PROCR: variants seen among roughly 807,000 people sequenced by gnomAD.
PROCR encodes endothelial protein C receptor.
Under a neutral mutation model 24.2 loss-of-function variants are expected in PROCR, and 22 were observed. The ratio of observed to expected loss-of-function variants is 0.91; its 90% CI spans 0.65 to 1.30. The LOEUF is 1.30. Among genes scored for constraint, PROCR ranks in the 50% most tolerant of loss-of-function variants. PROCR has a pLI of 0.00. For missense variants in PROCR, 288 were observed against 307.7 expected (o/e 0.94, Z 0.48); for synonymous variants, 137 against 139.2 (o/e 0.98, Z 0.11).
At chr20:35,191,147 C>T (rs369421532) in intron 1 of PROCR, among the ~76,000 whole-genome samples, 1 of 152,290 alleles carries the variant, frequency 6.6e-6, no homozygotes, top group African/African-American at 2.4e-5. Flanking sequence ...CTGTGAACCA[C>T]CGTGCCCAGC....
intron 1 of PROCR, among the ~76,000 whole-genome samples, chr20:35,193,790 T>C (rs901171623): frequency 1.3e-5 from 2 of 152,190 alleles, no homozygotes; most frequent in Admixed American, 6.5e-5. Context: ...AAGTCTGCAG[T>C]TGAGGGAAAT....
chr20:35,201,415 C>T (rs752787988), intron 1 of PROCR, among the ~76,000 whole-genome samples: 3 of 152,096 alleles, frequency 2.0e-5, no homozygotes, highest in Non-Finnish European at 2.9e-5. Flanking sequence ...TGGCTGGGTG[C>T]GGTGGCTCAC....
intron 1 of PROCR, among the ~76,000 whole-genome samples, chr20:35,210,768 A>G (rs2060360088): frequency 6.6e-6 from 1 of 150,470 alleles, no homozygotes. Flanking sequence ...GCTAGAGAGC[A>G]ATGGTGTGAT....
chr20:35,179,045 C>T (rs2086053969), downstream of PROCR, among the ~76,000 whole-genome samples: 2 of 148,792 alleles, frequency 1.3e-5, no homozygotes, highest in Admixed American at 1.3e-4. Context: ...TCCTGACTAA[C>T]ACAGTGAAAC....
At chr20:35,201,853 A>G (rs2060319423) in intron 1 of PROCR, 2 of 152,216 alleles carry the variant, frequency 1.3e-5, no homozygotes, top group African/African-American at 2.4e-5. Flanking sequence ...GGGTCAATTC[A>G]CCAAGAAGAT....
chr20:35,208,935 G>A (rs1246290609), intron 1 of PROCR, among the ~76,000 whole-genome samples: 1 of 152,172 alleles, frequency 6.6e-6, no homozygotes, highest in African/African-American at 2.4e-5. Context: ...TCACACCACT[G>A]CACTCCAGCC....
chr20:35,191,245 T>C (rs921608316), intron 1 of PROCR, among the ~76,000 whole-genome samples: 1 of 152,188 alleles, frequency 6.6e-6, no homozygotes, highest in Non-Finnish European at 1.5e-5. Context: ...ATTGTTCTTC[T>C]GGACTTGTTA....
At chr20:35,177,507 G>A, downstream of PROCR, 1 of 666,656 alleles carries the variant, frequency 1.5e-6, no homozygotes, top group Non-Finnish European at 1.8e-6. Context: ...GGAGTGCAAT[G>A]GTGTGATCTC....
rs753301899 is a variant in PROCR at position 35,176,681 on chromosome 20, CTT to C, written c.602-15_602-14del. On this transcript the variant is annotated splice_polypyrimidine_tract_variant and intron_variant, in intron 3 of 3. Coordinates refer to ENST00000216968, the MANE Select transcript of PROCR (RefSeq NM_006404.5). Reference sequence around the variant, plus strand: ...TGGGGGCCTATTCTTCGGGCTAACTCTTTGCATGTTCTGCAGGGAGCCAAACA... The same window carrying C: ...TGGGGGCCTATTCTTCGGGCTAACTCTGCATGTTCTGCAGGGAGCCAAACA... 1.5e-4 allele frequency: 240 copies of C among 1,599,014 alleles called. No homozygotes were observed. The highest frequency in any genetic ancestry group is 2.0e-4 in the Non-Finnish European group (237 of 1,172,266).
intron 1 of PROCR, among the ~76,000 whole-genome samples, chr20:35,193,070 C>T (rs1262161622): frequency 3.3e-5 from 5 of 151,992 alleles, no homozygotes; most frequent in Non-Finnish European, 7.4e-5. Context: ...CAAAGACACA[C>T]AGAACTAACC....
chr20:35,174,991 G>GC, intron 2 of PROCR, 38 bp downstream of exon 2: 4 of 866,544 alleles, frequency 4.6e-6, no homozygotes, highest in Non-Finnish European at 6.5e-6. Context: ...TCTGGGCGGG[G>GC]CTAGTGGGGG....
chr20:35,215,779 C>A (rs749907184), intron 1 of PROCR: 11 of 739,946 alleles, frequency 1.5e-5, no homozygotes, highest in Middle Eastern at 6.7e-4. Flanking sequence ...AATTGCTTTT[C>A]ATTGACTGTT....
intron 1 of PROCR, among the ~76,000 whole-genome samples, chr20:35,210,050 A>T (rs1343414085): frequency 6.6e-6 from 1 of 152,006 alleles, no homozygotes; most frequent in African/African-American, 2.4e-5. Context: ...AACATAGAGA[A>T]ACTCCATCTC....
rs1303845864 is a variant in PROCR, at chr20:35,175,876, C to CG, written c.323-292_323-291insG. ...CTGGGATTACAGGCGTGAGCTGCCG[C>CG]CCCTGCCCCAGCCTCACCCCCTGTT... On this transcript the variant is annotated intron_variant, in intron 2 of 3. Coordinates refer to ENST00000216968, the MANE Select transcript of PROCR (RefSeq NM_006404.5). 2.6e-5 allele frequency among the ~76,000 whole-genome samples: 4 copies of CG among 151,706 alleles called. No individual in the cohort carries two copies. The East Asian group carries it at 7.8e-4, about 29-fold the overall frequency.
chr20:35,178,122 G>C (rs2086039198), downstream of PROCR, among the ~76,000 whole-genome samples: 1 of 151,950 alleles, frequency 6.6e-6, no homozygotes, highest in Non-Finnish European at 1.5e-5. Flanking sequence ...GTGTTTTGTC[G>C]GCCAGGCGCG....
At chr20:35,184,191 G>C (rs1210553796) in intron 1 of PROCR, among the ~76,000 whole-genome samples, 2 of 152,006 alleles carry the variant, frequency 1.3e-5, no homozygotes, top group Non-Finnish European at 2.9e-5. Flanking sequence ...GCATGATACT[G>C]GTATAAAAAT....
At chr20:35,192,662 A>G (rs2086183651) in intron 1 of PROCR, among the ~76,000 whole-genome samples, 1 of 152,100 alleles carries the variant, frequency 6.6e-6, no homozygotes, top group Admixed American at 6.6e-5. Flanking sequence ...GTTACCCAGG[A>G]GACTTTCCCC....
intron 1 of PROCR, among the ~76,000 whole-genome samples, chr20:35,201,324 C>T (rs529990041): frequency 6.6e-6 from 1 of 152,036 alleles, no homozygotes; most frequent in Admixed American, 6.6e-5. Context: ...GACCAAAATC[C>T]ACTCTTATCA....
intron 1 of PROCR, among the ~76,000 whole-genome samples, chr20:35,205,088 C>T (rs978664782): frequency 1.3e-5 from 2 of 151,750 alleles, no homozygotes; most frequent in African/African-American, 4.8e-5. Context: ...GCCTGGCCAA[C>T]GTGGTGAAAC....
Sources: allele counts gnomAD v4.1 joint callset (sites outside exome capture counted in the v4.1 genomes callset), GRCh38; gene constraint gnomAD v4.1.1; transcripts MANE v1.5; gene names NCBI Gene and HGNC (gene_info 2026-07-23, HGNC 2026-07-21).